Variants in GMDS observed in about 807,000 individuals in gnomAD.
The protein encoded by GMDS is GDP-mannose 4,6 dehydratase.
In GMDS, 20 loss-of-function variants were observed where a neutral mutation model predicts 49.9. The observed-to-expected ratio is 0.40, with a 90% CI of 0.28 to 0.58. The LOEUF (loss-of-function observed/expected upper bound fraction) is 0.58, where lower values mean the gene tolerates loss of function less well. Ranked by LOEUF, GMDS falls within the 20% of genes least tolerant of loss-of-function variation. GMDS has a pLI of 0.42. For missense variants in GMDS, 362 were observed against 481.4 expected, an observed-to-expected ratio of 0.75 and a Z score of 2.32; for synonymous variants, 177 against 178.6, an observed-to-expected ratio of 0.99 and a Z score of 0.07.
At chr6:1,643,070 TCCTGAGTCTCTTCC>T (rs563657571) in intron 9 of GMDS, among the ~76,000 whole-genome samples, 362 of 152,282 alleles carry the variant, frequency 2.4e-3, no homozygotes, top group African/African-American at 8.3e-3. Context: ...TATTTTCTTA[TCCTGAGTCTCTTCC>T]CCTGAGTCTC....
intron 1 of GMDS, 23 bp downstream of exon 1, chr6:2,245,298 C>A (rs1781814243): frequency 6.8e-7 from 1 of 1,480,494 alleles, no homozygotes; most frequent in African/African-American, 1.4e-5. Context: ...CCTCGGCCGG[C>A]GCGCCCCCGC....
chr6:1,902,514 A>T (rs1309514026), intron 7 of GMDS, among the ~76,000 whole-genome samples: 1 of 152,236 alleles, frequency 6.6e-6, no homozygotes, highest in African/African-American at 2.4e-5. Flanking sequence ...ACCAGTCCTC[A>T]GTAATCTCAA....
At chr6:2,044,877 C>A (rs549324690) in intron 4 of GMDS, among the ~76,000 whole-genome samples, 1 of 144,892 alleles carries the variant, frequency 6.9e-6, no homozygotes, top group Admixed American at 7.0e-5. Flanking sequence ...ATAATTTTTT[C>A]TTTTCTGTGT....
chr6:1,981,709 G>T (rs779921869), intron 4 of GMDS, among the ~76,000 whole-genome samples: 1 of 151,950 alleles, frequency 6.6e-6, no homozygotes, highest in East Asian at 1.9e-4. Context: ...CCTAGCAGAG[G>T]TACAACAAAA....
intron 4 of GMDS, among the ~76,000 whole-genome samples, chr6:2,059,505 G>C (rs1363296244): frequency 6.7e-6 from 1 of 149,234 alleles, no homozygotes; most frequent in Non-Finnish European, 1.5e-5. Context: ...TCAGGAGATC[G>C]AGACCATCCT....
At chr6:2,050,228 A>G (rs1255284928) in intron 4 of GMDS, among the ~76,000 whole-genome samples, 3 of 152,224 alleles carry the variant, frequency 2.0e-5, no homozygotes, top group Admixed American at 6.5e-5. Flanking sequence ...ACAAACTACC[A>G]TCAGAGAATA....
At chr6:2,223,237 T>A (rs1274618135) in intron 1 of GMDS, among the ~76,000 whole-genome samples, 1 of 152,128 alleles carries the variant, frequency 6.6e-6, no homozygotes, top group Non-Finnish European at 1.5e-5. Context: ...AATGTGGATA[T>A]GGTGAATTCA....
intron 9 of GMDS, chr6:1,679,736 G>A (rs1404413282): frequency 1.3e-5 from 2 of 152,220 alleles, no homozygotes; most frequent in Non-Finnish European, 2.9e-5. Flanking sequence ...TTTCATTGCA[G>A]TCAAATAATA....
intron 1 of GMDS, among the ~76,000 whole-genome samples, chr6:2,187,473 GA>G (rs1778827853): frequency 6.6e-6 from 1 of 152,164 alleles, no homozygotes; most frequent in Non-Finnish European, 1.5e-5. Flanking sequence ...CAAAATGGAA[GA>G]AACACAAAAA....
chr6:1,777,527 C>T (rs1450945128), intron 7 of GMDS, among the ~76,000 whole-genome samples: 2 of 152,224 alleles, frequency 1.3e-5, no homozygotes, highest in Admixed American at 1.3e-4. Flanking sequence ...TCTGGAGACT[C>T]CATTTCAACA....
At chr6:2,245,110 G>A (rs1356283125) in intron 1 of GMDS, among the ~76,000 whole-genome samples, 2 of 152,218 alleles carry the variant, frequency 1.3e-5, no homozygotes, top group Admixed American at 1.3e-4. Flanking sequence ...AGCCCCCAGA[G>A]AAAGACCAGA....
intron 7 of GMDS, among the ~76,000 whole-genome samples, chr6:1,901,582 C>A (rs1760507715): frequency 6.6e-6 from 1 of 152,172 alleles, no homozygotes; most frequent in Non-Finnish European, 1.5e-5. Context: ...AGAGTTAACA[C>A]ATTTTCCAAA....
chr6:2,149,533 T>C (rs1343697062), intron 1 of GMDS, among the ~76,000 whole-genome samples: 1 of 152,106 alleles, frequency 6.6e-6, no homozygotes, highest in African/African-American at 2.4e-5. Context: ...TAAAAGAAAC[T>C]AGGCAGCGTG....
chr6:2,011,759 T>C (rs1767573561), intron 4 of GMDS, among the ~76,000 whole-genome samples: 1 of 151,972 alleles, frequency 6.6e-6, no homozygotes, highest in Non-Finnish European at 1.5e-5. Context: ...TAGAAAAAAA[T>C]TAAAAATTAA....
At chr6:1,749,346 G>A (rs926915096) in intron 7 of GMDS, among the ~76,000 whole-genome samples, 3 of 152,156 alleles carry the variant, frequency 2.0e-5, no homozygotes, top group Non-Finnish European at 4.4e-5. Flanking sequence ...TTAGCACTTT[G>A]GGAGGCTGAG....
At chr6:1,748,580 T>A (rs1460187021) in intron 7 of GMDS, among the ~76,000 whole-genome samples, 1 of 152,238 alleles carries the variant, frequency 6.6e-6, no homozygotes, top group Non-Finnish European at 1.5e-5. Context: ...TGACTTTATT[T>A]AAGCCAGGGG....
At chr6:1,688,686 C>G (rs968395874) in intron 9 of GMDS, among the ~76,000 whole-genome samples, 1 of 152,126 alleles carries the variant, frequency 6.6e-6, no homozygotes, top group Non-Finnish European at 1.5e-5. Flanking sequence ...TTATGTTAAA[C>G]GTATTTCTGT....
intron 4 of GMDS, among the ~76,000 whole-genome samples, chr6:2,010,153 C>A (rs1168412093): frequency 6.6e-6 from 1 of 151,730 alleles, no homozygotes; most frequent in African/African-American, 2.4e-5. Context: ...ATGGTGAAAC[C>A]CCGTCTCCAC....
rs10629924 is a variant in GMDS, at chr6:1,843,109, CAAATA to C, written c.771+86989_771+86993del. Among the ~76,000 whole-genome samples the C allele has an allele frequency of 2.4e-3, 330 of 137,162 alleles. 2 individuals carry two copies. Among genetic ancestry groups the C allele is most frequent in the African/African-American group, 4.5e-3 (163 of 36,382 alleles). The allele number at this position is 137,162 out of a possible 152,430, so 90.0% of individuals were successfully genotyped here. ...TGAGCAACAGAGTAAGACCCTGCAT[CAAATA>C]AAATAAAATAAAATAAAATAAAATA... On this transcript the variant is annotated intron_variant, in intron 7 of 10. Coordinates refer to ENST00000380815, the MANE Select transcript of GMDS (RefSeq NM_001500.4).
Sources: gnomAD v4.1 joint callset for allele counts (sites outside exome capture counted in the v4.1 genomes callset) on GRCh38, gnomAD v4.1.1 for gene constraint, MANE v1.5 for transcripts, NCBI Gene and HGNC (gene_info 2026-07-23, HGNC 2026-07-21) for gene names.